Variants in ATXN2 observed in about 807,000 individuals in gnomAD.
ATXN2 encodes the protein ataxin 2.
Under a neutral mutation model 138.6 loss-of-function variants are expected in ATXN2, and 37 were observed. That is an observed-to-expected ratio of 0.27 (90% CI 0.21 to 0.35). ATXN2 has a LOEUF of 0.35. Ranked by LOEUF, ATXN2 falls within the 10% of genes least tolerant of loss-of-function variation. The probability of loss-of-function intolerance (pLI) is 1.00; values close to 1 mark genes in which losing one functional copy is unlikely to be tolerated. For missense variants in ATXN2, 1,216 were observed against 1,480.3 expected (o/e 0.82, Z 2.93); for synonymous variants, 549 against 543.7 (o/e 1.01, Z -0.13).
intron 1 of ATXN2, among the ~76,000 whole-genome samples, chr12:111,564,635 T>C (rs954281426): frequency 6.6e-6 from 1 of 151,308 alleles, no homozygotes; most frequent in African/African-American, 2.4e-5. Flanking sequence ...CAATTAAAAA[T>C]CAAGCAGAGC....
intron 14 of ATXN2, among the ~76,000 whole-genome samples, chr12:111,507,575 G>A (rs1277279889): frequency 3.3e-5 from 5 of 151,272 alleles, no homozygotes; most frequent in Admixed American, 1.3e-4. Flanking sequence ...CGCCCCGTCC[G>A]GGAGGTGGGG....
intron 14 of ATXN2, among the ~76,000 whole-genome samples, chr12:111,492,422 G>A (rs553665272): frequency 1.3e-5 from 2 of 152,296 alleles, no homozygotes; most frequent in Non-Finnish European, 2.9e-5. Context: ...AGTGGCTAAC[G>A]CCTGTAATCC....
intron 1 of ATXN2, among the ~76,000 whole-genome samples, chr12:111,586,656 G>T (rs1050451902): frequency 5.3e-5 from 8 of 152,040 alleles, no homozygotes; most frequent in Non-Finnish European, 8.8e-5. Flanking sequence ...AAAGTGCTGG[G>T]ATTACAGGGG....
chr12:111,508,916 C>T (rs1201401565), intron 14 of ATXN2, among the ~76,000 whole-genome samples: 4 of 152,066 alleles, frequency 2.6e-5, no homozygotes, highest in African/African-American at 9.7e-5. Flanking sequence ...GCTACCTTTG[C>T]CTTTGGTTCA....
rs188223149 is a variant in ATXN2 at position 111,490,477 on chromosome 12, C to T, written c.1936-1697G>A. On this transcript the variant is annotated intron_variant, in intron 14 of 24. Transcript: ENST00000673436. Reference sequence around the variant, plus strand: ...TTAAGTAGGTGAATTCAGAATGAGACCTGACTGTACATATTGGTCAGTTAG... The same window carrying T: ...TTAAGTAGGTGAATTCAGAATGAGATCTGACTGTACATATTGGTCAGTTAG... 3.6e-3 allele frequency among the ~76,000 whole-genome samples: 545 copies of T among 152,048 alleles called. 10 individuals carry two copies. Among genetic ancestry groups the T allele is most frequent in the Non-Finnish European group, 1.4e-3 (97 of 68,008 alleles).
chr12:111,576,133 A>C (rs61944391), intron 1 of ATXN2, among the ~76,000 whole-genome samples: 24,918 of 74,286 alleles, frequency 0.34, 4,426 homozygotes, highest in Non-Finnish European at 0.35. Context: ...AACATAACAT[A>C]ACATCACACC....
intron 10 of ATXN2, among the ~76,000 whole-genome samples, chr12:111,515,263 G>A (rs1047061164): frequency 6.6e-6 from 1 of 152,086 alleles, no homozygotes; most frequent in African/African-American, 2.4e-5. Flanking sequence ...CCCAACATAA[G>A]CAATATTAAC....
chr12:111,575,667 AT>A (rs1238131811), intron 1 of ATXN2, among the ~76,000 whole-genome samples: 8 of 152,156 alleles, frequency 5.3e-5, no homozygotes. Flanking sequence ...TCACTACTGT[AT>A]TCCCAAGCCT....
At chr12:111,455,679 G>T (rs1038357350) in intron 23 of ATXN2, 4 of 348,202 alleles carry the variant, frequency 1.1e-5, no homozygotes, top group African/African-American at 8.3e-5. Flanking sequence ...TCCAAGGTAA[G>T]TGTGTAGGGG....
chr12:111,599,050 C>T lies in ATXN2; in HGVS notation c.-16G>A. On this transcript the variant is annotated 5_prime_UTR_variant, in exon 1 of 25. Transcript: ENST00000673436. Reference sequence around the variant, plus strand: ...TCAGCGACATGGTGAGGGGCCCATACACCGGCTCGCACGCCGGGCGGGGAC... The same window carrying T: ...TCAGCGACATGGTGAGGGGCCCATATACCGGCTCGCACGCCGGGCGGGGAC... The T allele has an allele frequency of 3.4e-6, 5 of 1,454,522 alleles. No homozygotes were observed. The highest frequency in any genetic ancestry group is 2.4e-5 in the Admixed American group (1 of 41,852). 90.1% of individuals were successfully genotyped at this position (1,454,522 alleles called of 1,614,324 possible). A position where few individuals can be genotyped will look rare whatever the true frequency, so the allele number is the denominator to read the frequency against.
At chr12:111,470,421 T>A (rs906796617) in intron 19 of ATXN2, 137 bp downstream of exon 19, 6 of 1,171,502 alleles carry the variant, frequency 5.1e-6, no homozygotes, top group Non-Finnish European at 7.1e-6. Flanking sequence ...GAATATATAT[T>A]GAAAAGGGTC....
rs762862123 is a variant in ATXN2, at chr12:111,470,695, T to C, written c.2572A>G (p.Met858Val). Residue 858 changes from methionine (M) to valine (V), a missense_variant, in exon 19 of 25, where the codon ATG becomes GTG. Transcript: ENST00000673436. ...CCCGCTGCTGACGCTGGGTGCATCA[T>C]GGCACTCTGATGATGCTGGTCTTGC... ...QRQDQHHQSA[M>V]MHPASAAGPP... 7.4e-6 allele frequency: 12 copies of C among 1,613,994 alleles called. No homozygotes were observed. The highest frequency in any genetic ancestry group is 1.1e-5 in the South Asian group (1 of 91,086).
chr12:111,469,470 C>T (rs190548958), intron 20 of ATXN2: 2 of 152,220 alleles, frequency 1.3e-5, no homozygotes, highest in Admixed American at 6.5e-5. Context: ...AGTCACAAAA[C>T]GAAGATGGGT....
intron 1 of ATXN2, among the ~76,000 whole-genome samples, chr12:111,576,898 C>A (rs1390211993): frequency 6.6e-6 from 1 of 151,974 alleles, no homozygotes; most frequent in Non-Finnish European, 1.5e-5. Context: ...TCGGAGGTTG[C>A]AGTGAGCCGA....
intron 5 of ATXN2, among the ~76,000 whole-genome samples, chr12:111,540,256 A>C (rs1881424349): frequency 6.6e-6 from 1 of 150,562 alleles, no homozygotes; most frequent in Non-Finnish European, 1.5e-5. Context: ...GAAAAAAATA[A>C]TACTAAAACT....
chr12:111,543,050 TTC>T (rs1406196665), intron 5 of ATXN2, among the ~76,000 whole-genome samples: 4 of 152,178 alleles, frequency 2.6e-5, no homozygotes, highest in Admixed American at 1.3e-4. Flanking sequence ...CCACGAACTA[TTC>T]TGTTTAGCTT....
intron 1 of ATXN2, among the ~76,000 whole-genome samples, chr12:111,561,672 A>G (rs1277108984): frequency 6.6e-6 from 1 of 152,006 alleles, no homozygotes; most frequent in African/African-American, 2.4e-5. Flanking sequence ...CACCTCTACT[A>G]AAACTATAAA....
chr12:111,514,483 T>C (rs1879746800), intron 10 of ATXN2, among the ~76,000 whole-genome samples: 1 of 152,190 alleles, frequency 6.6e-6, no homozygotes, highest in Admixed American at 6.5e-5. Flanking sequence ...TGCCAAACTC[T>C]TTAGAACTTC....
At position 111,598,221 on chromosome 12, in the gene ATXN2, C is replaced by A. The variant is rs1885037553; in HGVS notation, c.251+563G>T. The A allele has an allele frequency of 4.8e-6, 5 of 1,047,256 alleles. No individual in the cohort carries two copies. The highest frequency in any genetic ancestry group is 4.7e-4 in the Middle Eastern group (1 of 2,122). 64.9% of individuals were successfully genotyped at this position (1,047,256 alleles called of 1,614,324 possible). A position where few individuals can be genotyped will look rare whatever the true frequency, so the allele number is the denominator to read the frequency against. Reference sequence around the variant, plus strand: ...GATCTTTCCCAGGACTCGGAGGGGGCGGGGAGAGAGCCCCGACAGACCCTG... The same window carrying A: ...GATCTTTCCCAGGACTCGGAGGGGGAGGGGAGAGAGCCCCGACAGACCCTG... On this transcript the variant is annotated intron_variant, in intron 1 of 24. Transcript: ENST00000673436. The surrounding 1 kb of genome is among the most constrained non-coding windows in gnomAD (Gnocchi z 4.5).
Sources: allele counts gnomAD v4.1 joint callset (sites outside exome capture counted in the v4.1 genomes callset), GRCh38; gene constraint gnomAD v4.1.1; non-coding constraint Gnocchi (gnomAD v3.1); transcripts MANE v1.5; gene names NCBI Gene and HGNC (gene_info 2026-07-23, HGNC 2026-07-21).